The following SDHAF4 variants were observed in gnomAD, a reference collection of about 807,000 sequenced individuals.
SDHAF4 encodes succinate dehydrogenase assembly factor 4, mitochondrial.
SDHAF4 carries 14 observed loss-of-function variants against 14.3 expected under a neutral mutation model. The observed-to-expected ratio is 0.98, with a 90% CI of 0.65 to 1.53. SDHAF4 has a LOEUF of 1.53. Ranked by LOEUF, SDHAF4 falls within the 40% of genes most tolerant of loss-of-function variation. SDHAF4 has a pLI of 0.00. For synonymous variants in SDHAF4, 63 were observed against 47.3 expected (o/e 1.33, Z -1.36); for missense variants, 141 against 129.3 (o/e 1.09, Z -0.44).
chr6:70,592,108 G>T (rs1410827882), downstream of SDHAF4, among the ~76,000 whole-genome samples: 1 of 152,224 alleles, frequency 6.6e-6, no homozygotes, highest in African/African-American at 2.4e-5. Flanking sequence ...TGTGCCCCTT[G>T]ACCTTGGACT....
chr6:70,574,235 G>A (rs1460070071), intron 1 of SDHAF4, among the ~76,000 whole-genome samples: 1 of 151,832 alleles, frequency 6.6e-6, no homozygotes, highest in Non-Finnish European at 1.5e-5. Flanking sequence ...CAGGAGAATC[G>A]CTTGATCCCG....
intron 1 of SDHAF4, among the ~76,000 whole-genome samples, chr6:70,570,552 G>A (rs73480261): frequency 4.0e-5 from 6 of 151,578 alleles, no homozygotes; most frequent in Admixed American, 2.6e-4. Flanking sequence ...TGAGAGCCTC[G>A]GCCTCTCAAA....
chr6:70,583,287 ATT>A (rs1765156433), intron 2 of SDHAF4, among the ~76,000 whole-genome samples: 1 of 152,058 alleles, frequency 6.6e-6, no homozygotes, highest in Admixed American at 6.6e-5. Context: ...TAATTTTTGT[ATT>A]TTTAGTAGAA....
intron 1 of SDHAF4, among the ~76,000 whole-genome samples, chr6:70,574,137 A>G (rs576159364): frequency 1.3e-5 from 2 of 151,822 alleles, no homozygotes; most frequent in South Asian, 2.1e-4. Context: ...CCTGGCCTAC[A>G]TGGTGAAACC....
rs70990317 is a variant in SDHAF4 at position 70,588,842 on chromosome 6, A to AATATATATATATATATATATATATAT, written c.*132_*133insATATATATATATATATATATATATAT. On this transcript the variant is annotated 3_prime_UTR_variant, in exon 3 of 3. Transcript: ENST00000370474. ...TCGTGTAGTTTGTATAATGTGTTTA[A>AATATATATATATATATATATATATAT]ATATATATATATATGATGGCTTTGG... The AATATATATATATATATATATATATAT allele has an allele frequency of 6.9e-3, 2,354 of 342,262 alleles. 39 individuals carry two copies. Among genetic ancestry groups the AATATATATATATATATATATATATAT allele is most frequent in the African/African-American group, 0.017 (720 of 42,744 alleles). The allele number at this position is 342,262 out of a possible 1,614,324, so 21.2% of individuals were successfully genotyped here.
chr6:70,575,659 T>G (rs1308780992), intron 1 of SDHAF4, among the ~76,000 whole-genome samples: 1 of 152,156 alleles, frequency 6.6e-6, no homozygotes, highest in Non-Finnish European at 1.5e-5. Context: ...CATTTCTGAT[T>G]TATCAAATTA....
At chr6:70,569,052 G>A (rs1178191145) in intron 1 of SDHAF4, among the ~76,000 whole-genome samples, 7 of 129,902 alleles carry the variant, frequency 5.4e-5, no homozygotes, top group Admixed American at 4.9e-4. Flanking sequence ...TGCAAGCTCC[G>A]CCTCCTGGGT....
chr6:70,586,428 CTTTTTTTTTTTT>C (rs70990316), intron 2 of SDHAF4, among the ~76,000 whole-genome samples: 1 of 80,304 alleles, frequency 1.2e-5, no homozygotes, highest in African/African-American at 5.0e-5. Context: ...ATTTGTTTGC[CTTTTTTTTTTTT>C]TTTTTTTTTT....
intron 1 of SDHAF4, among the ~76,000 whole-genome samples, chr6:70,567,986 G>A (rs1802126276): frequency 6.6e-6 from 1 of 152,098 alleles, no homozygotes; most frequent in Non-Finnish European, 1.5e-5. Flanking sequence ...CGCCCGGTCC[G>A]CAAAACATAA....
intron 1 of SDHAF4, among the ~76,000 whole-genome samples, chr6:70,568,099 C>A (rs1280657474): frequency 1.3e-5 from 2 of 152,196 alleles, no homozygotes; most frequent in African/African-American, 2.4e-5. Flanking sequence ...TTTGTGCAAT[C>A]ATTTTACCCA....
the SDHAF4 span, among the ~76,000 whole-genome samples, chr6:70,595,468 A>G: frequency 6.6e-6 from 1 of 152,266 alleles, no homozygotes; most frequent in South Asian, 2.1e-4. Flanking sequence ...TCATTCTTCT[A>G]GTTGCAATTA....
Position 70,567,021 on chromosome 6 carries a change from G to T in SDHAF4, c.64+17G>T. 1.3e-6 allele frequency: 2 copies of T among 1,574,374 alleles called. No homozygotes were observed. The highest frequency in any genetic ancestry group is 2.3e-5 in the East Asian group (1 of 42,796). ...GAGCGGCAAGTAAGCACCTGGCCTCGGGGCCACGGTCGCGGGAGGGGTCGT... is the reference window on the plus strand; with the variant it reads ...GAGCGGCAAGTAAGCACCTGGCCTCTGGGCCACGGTCGCGGGAGGGGTCGT... On this transcript the variant is annotated intron_variant, in intron 1 of 2. Coordinates refer to ENST00000370474, the MANE Select transcript of SDHAF4 (RefSeq NM_145267.3).
In SDHAF4 at chr6:70,579,457, T is replaced by C. The variant is rs780632480; in HGVS notation, c.108T>C (p.Ser36=). 1 of 1,608,704 alleles carries C rather than the reference T, an allele frequency of 6.2e-7. No homozygotes were observed. Among genetic ancestry groups the C allele is most frequent in the South Asian group, 1.1e-5 (1 of 90,238 alleles). ...ATTCTCTGAGGAAAACAAGTTCTTCTCAAGGAGGAAAGTCTGAACTTGTCA... is the reference window on the plus strand; with the variant it reads ...ATTCTCTGAGGAAAACAAGTTCTTCCCAAGGAGGAAAGTCTGAACTTGTCA... ...LCHSLRKTSS[S]QGGKSELVKQ... The change falls in exon 2 of 3, where the codon TCT becomes TCC. Residue 36 remains serine, a synonymous_variant. Coordinates refer to ENST00000370474, the MANE Select transcript of SDHAF4 (RefSeq NM_145267.3).
At chr6:70,584,367 A>G (rs1158313835) in intron 2 of SDHAF4, among the ~76,000 whole-genome samples, 2 of 152,214 alleles carry the variant, frequency 1.3e-5, no homozygotes, top group Non-Finnish European at 2.9e-5. Flanking sequence ...AGTGTAAAAT[A>G]GTTCTGTCCC....
chr6:70,591,504 G>C (rs561539673), downstream of SDHAF4, among the ~76,000 whole-genome samples: 1 of 151,780 alleles, frequency 6.6e-6, no homozygotes, highest in African/African-American at 2.4e-5. Flanking sequence ...GCTAATTTTT[G>C]TATTTTTGTA....
At chr6:70,581,521 A>G (rs1802322367) in intron 2 of SDHAF4, among the ~76,000 whole-genome samples, 1 of 152,128 alleles carries the variant, frequency 6.6e-6, no homozygotes, top group Non-Finnish European at 1.5e-5. Context: ...AGTGTTAACT[A>G]TTGCTTCTGG....
intron 1 of SDHAF4, chr6:70,567,320 AC>A (rs1439285694): frequency 1.1e-5 from 4 of 372,904 alleles, no homozygotes; most frequent in Non-Finnish European, 1.9e-5. Flanking sequence ...CTCGCAGGGC[AC>A]ACCGCACTTC....
rs1198573624 is a variant in SDHAF4 at position 70,588,654 on chromosome 6, G to T, written c.257G>T (p.Gly86Val). ...GTTAATCCAGTGACCAAAGAAAAAG[G>T]TGGACCCAGGGGCCCAGAACCTACC... ...DDVNPVTKEK[G>V]GPRGPEPTRY... Residue 86 changes from glycine to valine, a missense_variant, in exon 3 of 3, where the codon GGT (glycine) becomes GTT (valine). Gly to Val is a moderately radical substitution (Grantham distance 109). Transcript: ENST00000370474. 7 of 1,600,756 alleles carry T rather than the reference G, an allele frequency of 4.4e-6. No individual in the cohort carries two copies. The highest frequency in any genetic ancestry group is 5.1e-6 in the Non-Finnish European group (6 of 1,171,418).
chr6:70,577,584 G>A (rs548920219), intron 1 of SDHAF4, among the ~76,000 whole-genome samples: 1 of 152,270 alleles, frequency 6.6e-6, no homozygotes, highest in South Asian at 2.1e-4. Flanking sequence ...TTTAGATTCA[G>A]GGAGTACACG....
Sources: allele counts gnomAD v4.1 joint callset (sites outside exome capture counted in the v4.1 genomes callset), GRCh38; gene constraint gnomAD v4.1.1; transcripts MANE v1.5; gene names NCBI Gene and HGNC (gene_info 2026-07-23, HGNC 2026-07-21).